The following ATP7A variants were observed in gnomAD, a reference collection of about 807,000 sequenced individuals.
ATP7A encodes ATPase copper transporting alpha, also known as copper-transporting ATPase 1.
ATP7A carries 7 observed loss-of-function variants against 83.5 expected under a neutral mutation model. The ratio of observed to expected loss-of-function variants is 0.08; its 90% confidence interval spans 0.05 to 0.16. The LOEUF is 0.16. ATP7A is among the 10% of genes least tolerant of loss of function. The probability of loss-of-function intolerance (pLI) is 1.00; values close to 1 mark genes in which losing one functional copy is unlikely to be tolerated. For missense variants in ATP7A, 940 were observed against 1,120.8 expected (o/e 0.84, Z 2.30); for synonymous variants, 354 against 395.2 (o/e 0.90, Z 1.24).
intron 7 of ATP7A, among the ~76,000 whole-genome samples, chrX:78,010,589 T>C (rs1244072014): frequency 1.2e-5 from 1 of 86,869 alleles, no homozygotes; most frequent in Non-Finnish European, 2.3e-5. Flanking sequence ...TTTTTTTTTT[T>C]TTTTTTTGGA....
chrX:77,958,750 A>G (rs191542269), intron 1 of ATP7A, among the ~76,000 whole-genome samples: 2 of 98,746 alleles, frequency 2.0e-5, no homozygotes, highest in East Asian at 6.5e-4. Context: ...TCATTTGTTT[A>G]TGTCTTCTTC....
intron 1 of ATP7A, among the ~76,000 whole-genome samples, chrX:77,935,804 A>T (rs1557224996): frequency 8.9e-6 from 1 of 112,853 alleles, no homozygotes; most frequent in African/African-American, 3.2e-5. Flanking sequence ...AGAGTAAATG[A>T]TAACATGTAG....
intron 1 of ATP7A, among the ~76,000 whole-genome samples, chrX:77,944,983 T>C (rs782705211): frequency 9.1e-6 from 1 of 109,909 alleles, no homozygotes; most frequent in South Asian, 3.9e-4. Context: ...CCCAAGTAGC[T>C]GGGATTACAG....
intron 10 of ATP7A, 58 bp from the exon 11 acceptor site, chrX:78,014,604 G>A (rs2077849106): frequency 3.3e-6 from 3 of 904,845 alleles, no homozygotes; most frequent in Non-Finnish European, 4.8e-6. Context: ...TTTTATTTTA[G>A]TTAAGACCTG....
intron 1 of ATP7A, among the ~76,000 whole-genome samples, chrX:77,919,046 C>G (rs1206376996): frequency 9.0e-6 from 1 of 111,546 alleles, no homozygotes; most frequent in Admixed American, 9.6e-5. Context: ...TAATAACTGC[C>G]TCGTCTAATT....
At chrX:77,975,250 C>T (rs2077570333) in intron 2 of ATP7A, among the ~76,000 whole-genome samples, 1 of 110,513 alleles carries the variant, frequency 9.0e-6, no homozygotes, top group African/African-American at 3.3e-5. Context: ...CACCCCTGCC[C>T]GCCCCTTTCC....
chrX:77,959,489 T>C (rs1415845593), intron 1 of ATP7A, among the ~76,000 whole-genome samples: 1 of 111,878 alleles, frequency 8.9e-6, no homozygotes, highest in East Asian at 2.8e-4. Context: ...AGGGGCTTTC[T>C]TGTCCATTAC....
rs782660567 is a variant in ATP7A at position 77,947,998 on chromosome X, C to A, written c.-21-23623C>A. Among the ~76,000 whole-genome samples, 19 of 109,912 alleles carry A rather than the reference C, an allele frequency of 1.7e-4. No individual in the cohort carries two copies. In the South Asian group the frequency reaches 7.2e-3, roughly 42 times the overall value. On this transcript the variant is annotated intron_variant, in intron 1 of 22. Coordinates refer to ENST00000341514, the MANE Select transcript of ATP7A (RefSeq NM_000052.7). ...TCAGGTGATCGCCCTCTTCAGCCTCCCAGAGTGCTGGGATTACAGGCGTGA... is the reference window on the plus strand; with the variant it reads ...TCAGGTGATCGCCCTCTTCAGCCTCACAGAGTGCTGGGATTACAGGCGTGA...
At chrX:78,026,270 C>T (rs1327136855) in intron 14 of ATP7A, among the ~76,000 whole-genome samples, 2 of 111,513 alleles carry the variant, frequency 1.8e-5, no homozygotes. Flanking sequence ...AAACAAAGAG[C>T]AGGGGTTGCT....
At chrX:78,026,577 C>T (rs1224839412) in intron 14 of ATP7A, among the ~76,000 whole-genome samples, 2 of 111,777 alleles carry the variant, frequency 1.8e-5, no homozygotes, top group African/African-American at 6.5e-5. Context: ...GGATTCTCAA[C>T]CAAATGGCCC....
chrX:78,027,375 C>G (rs1557236468), intron 14 of ATP7A, among the ~76,000 whole-genome samples: 2 of 111,425 alleles, frequency 1.8e-5, no homozygotes, highest in African/African-American at 6.5e-5. Context: ...ACAAAACATA[C>G]CTAGGAATAC....
chrX:77,932,584 G>T (rs1471964759), intron 1 of ATP7A, among the ~76,000 whole-genome samples: 3 of 112,261 alleles, frequency 2.7e-5, no homozygotes, highest in East Asian at 5.6e-4. Flanking sequence ...AGCGAGCCGC[G>T]ATCACGCCAC....
intron 1 of ATP7A, chrX:77,966,783 T>C (rs184885689): frequency 4.9e-4 from 160 of 329,075 alleles, no homozygotes; most frequent in African/African-American, 4.2e-3. Flanking sequence ...TGAATTTTTT[T>C]CATTTCTTCT....
chrX:77,936,760 A>C (rs2077321636), intron 1 of ATP7A, among the ~76,000 whole-genome samples: 2 of 112,750 alleles, frequency 1.8e-5, no homozygotes, highest in Non-Finnish European at 3.7e-5. Context: ...TTGCTCTGTG[A>C]AAGAAAGTGA....
intron 1 of ATP7A, among the ~76,000 whole-genome samples, chrX:77,937,927 A>C (rs951644821): frequency 6.0e-4 from 64 of 106,522 alleles, no homozygotes; most frequent in Non-Finnish European, 9.9e-4. Flanking sequence ...ACACACACAC[A>C]CCCCACTACC....
At chrX:77,974,428 G>A (rs1468411537) in intron 2 of ATP7A, among the ~76,000 whole-genome samples, 1 of 111,242 alleles carries the variant, frequency 9.0e-6, no homozygotes, top group African/African-American at 3.3e-5. Context: ...GCAGGTGTGA[G>A]CCACTGCACC....
At chrX:77,913,351 C>T (rs1189410445) in intron 1 of ATP7A, among the ~76,000 whole-genome samples, 1 of 110,869 alleles carries the variant, frequency 9.0e-6, no homozygotes, top group Non-Finnish European at 1.9e-5. Flanking sequence ...CAGGTTTTAG[C>T]GTTTTGTTTT....
At chrX:77,961,609 T>C (rs970164194) in intron 1 of ATP7A, among the ~76,000 whole-genome samples, 3 of 111,784 alleles carry the variant, frequency 2.7e-5, no homozygotes, top group Non-Finnish European at 5.6e-5. Context: ...AGTTTCCTTT[T>C]TTAGGCTCAG....
chrX:78,025,048 T>C (rs2077934136), intron 14 of ATP7A, among the ~76,000 whole-genome samples: 1 of 111,497 alleles, frequency 9.0e-6, no homozygotes, highest in Admixed American at 9.5e-5. Flanking sequence ...CTAAACCCTA[T>C]AGGAGATTGT....
Sources: gnomAD v4.1 joint callset for allele counts (sites outside exome capture counted in the v4.1 genomes callset) on GRCh38, gnomAD v4.1.1 for gene constraint, MANE v1.5 for transcripts, NCBI Gene and HGNC (gene_info 2026-07-23, HGNC 2026-07-21) for gene names.